ETNK2: variants seen among roughly 807,000 people sequenced by gnomAD.
ETNK2 encodes ethanolamine kinase 2.
In ETNK2, 33 loss-of-function variants were observed where a neutral mutation model predicts 46.2. The observed-to-expected ratio is 0.71, with a 90% CI of 0.54 to 0.96. The LOEUF (loss-of-function observed/expected upper bound fraction) is 0.96, where lower values mean the gene tolerates loss of function less well. Among genes scored for constraint, ETNK2 ranks in the 40% least tolerant of loss-of-function variants. The probability of loss-of-function intolerance (pLI) is 0.00; values close to 1 mark genes in which losing one functional copy is unlikely to be tolerated. For synonymous variants in ETNK2, 194 were observed against 209.0 expected (o/e 0.93, Z 0.62); for missense variants, 445 against 509.7 (o/e 0.87, Z 1.22).
intron 2 of ETNK2, among the ~76,000 whole-genome samples, chr1:204,148,665 G>A (rs774103006): frequency 6.6e-6 from 1 of 152,106 alleles, no homozygotes; most frequent in African/African-American, 2.4e-5. Flanking sequence ...ATGAGCATGG[G>A]GGTGGAAGAG....
chr1:204,135,942 G>A (rs1324521073), intron 6 of ETNK2, among the ~76,000 whole-genome samples: 1 of 152,192 alleles, frequency 6.6e-6, no homozygotes, highest in African/African-American at 2.4e-5. Context: ...TGGATAAGGG[G>A]CACTGAAAAT....
intron 5 of ETNK2, among the ~76,000 whole-genome samples, chr1:204,139,552 A>G (rs1657417534): frequency 6.6e-6 from 1 of 152,138 alleles, no homozygotes; most frequent in South Asian, 2.1e-4. Context: ...ATTTTGGAGG[A>G]CAAGAGCTAT....
At chr1:204,138,710 G>A (rs1019031251) in intron 5 of ETNK2, 5 of 152,210 alleles carry the variant, frequency 3.3e-5, no homozygotes, top group African/African-American at 1.2e-4. Flanking sequence ...TGAGCCACAG[G>A]GCCTGGCCCC....
chr1:204,149,991 TGG>T, intron 1 of ETNK2, 29 bp from the exon 2 acceptor site: 1 of 37,100 alleles, frequency 2.7e-5, no homozygotes, highest in Non-Finnish European at 5.3e-5. Context: ...AGTGCGTGGG[TGG>T]GTGGGTGGGG....
At position 204,151,556 on chromosome 1, in the gene ETNK2, G is replaced by A. The variant is rs2102306472; in HGVS notation, c.258+39C>T. On this transcript the variant is annotated intron_variant, in intron 1 of 7. Coordinates refer to ENST00000367202, the MANE Select transcript of ETNK2 (RefSeq NM_018208.4). The surrounding 1 kb of genome is among the most constrained non-coding windows in gnomAD (Gnocchi z 8.0). ...GTCCCCGCATCCCCCTGGCAGCCCTGGCAGGACCCCATCCTCGGCCCCGCG... is the reference window on the plus strand; with the variant it reads ...GTCCCCGCATCCCCCTGGCAGCCCTAGCAGGACCCCATCCTCGGCCCCGCG... The A allele has an allele frequency of 2.6e-6, 4 of 1,547,956 alleles. No homozygotes were observed. The highest frequency in any genetic ancestry group is 3.5e-6 in the Non-Finnish European group (4 of 1,145,926).
rs1202878845 is a variant in ETNK2 at position 204,137,267 on chromosome 1, C to T, written c.869-18G>A. 1 of 1,611,862 alleles carries T rather than the reference C, an allele frequency of 6.2e-7. No individual in the cohort carries two copies. The highest frequency in any genetic ancestry group is 8.5e-7 in the Non-Finnish European group (1 of 1,178,684). Reference sequence around the variant, plus strand: ...ATTCACGCCTGAGGGGGAGGCAGGCCAGACAAAGTTGCTCAGAGATGGGCC... The same window carrying T: ...ATTCACGCCTGAGGGGGAGGCAGGCTAGACAAAGTTGCTCAGAGATGGGCC... On this transcript the variant is annotated intron_variant, in intron 5 of 7. Coordinates refer to ENST00000367202, the MANE Select transcript of ETNK2 (RefSeq NM_018208.4).
intron 3 of ETNK2, 185 bp from the exon 4 acceptor site, chr1:204,141,642 T>C (rs1202994025): frequency 1.6e-6 from 1 of 615,832 alleles, no homozygotes; most frequent in Non-Finnish European, 2.8e-6. Flanking sequence ...GTCCTGTCCT[T>C]CTGACTCCTC....
intron 5 of ETNK2, chr1:204,138,927 C>T (rs1167439820): frequency 6.6e-6 from 1 of 152,304 alleles, no homozygotes; most frequent in Admixed American, 6.5e-5. Context: ...ACCCCCCTAT[C>T]CTGCCTCTTC....
intron 3 of ETNK2, among the ~76,000 whole-genome samples, chr1:204,146,420 C>T (rs1106778): frequency 0.4 from 61,323 of 151,958 alleles, 12,851 homozygotes; most frequent in African/African-American, 0.51. Flanking sequence ...GAAATGAGCA[C>T]ATGGGTATAA....
rs973681226 is a variant in ETNK2, at chr1:204,131,147, A to C, written c.*1037T>G. The stretch of plus-strand genomic sequence containing the variant: ...TCTGGGCCAGAGCCAGGAAGGCCCC[A>C]GGAGCTGTGAGGGTAGAAAGGGAGG... On this transcript the variant is annotated 3_prime_UTR_variant, in exon 8 of 8. Transcript: ENST00000367202. The surrounding 1 kb of genome is among the most constrained non-coding windows in gnomAD (Gnocchi z 4.3). The C allele has an allele frequency of 2.6e-5, 4 of 152,762 alleles. No homozygotes were observed. The highest frequency in any genetic ancestry group is 5.9e-5 in the Non-Finnish European group (4 of 68,112). 9.5% of individuals were successfully genotyped at this position (152,762 alleles called of 1,614,324 possible). A position where few individuals can be genotyped will look rare whatever the true frequency, so the allele number is the denominator to read the frequency against.
At chr1:204,132,947 C>A (rs1332967153) in intron 7 of ETNK2, among the ~76,000 whole-genome samples, 2 of 152,062 alleles carry the variant, frequency 1.3e-5, no homozygotes, top group East Asian at 3.9e-4. Context: ...CTCTCCCCAC[C>A]CCCTGGCAAC....
chr1:204,132,750 C>G (rs1236299859), intron 7 of ETNK2, among the ~76,000 whole-genome samples: 1 of 151,748 alleles, frequency 6.6e-6, no homozygotes, highest in Non-Finnish European at 1.5e-5. Context: ...TTTTTAACTT[C>G]AACTACATTT....
chr1:204,141,495 G>C, intron 3 of ETNK2, 38 bp from the exon 4 acceptor site: 1 of 1,550,492 alleles, frequency 6.4e-7, no homozygotes, highest in Non-Finnish European at 8.7e-7. Flanking sequence ...TGAAAGGAGG[G>C]CTGATAGACA....
chr1:204,144,915 A>AT, intron 3 of ETNK2, among the ~76,000 whole-genome samples: 1 of 152,006 alleles, frequency 6.6e-6, no homozygotes, highest in Non-Finnish European at 1.5e-5. Context: ...ACCCTGCCTT[A>AT]TTTTGCAGCT....
chr1:204,151,647 C>T lies in ETNK2; in HGVS notation c.206G>A (p.Arg69His), dbSNP rs2102306575. ...ATGCGGCCGCAGCTCCTGGATGAGGCGCAGGGCCCCGGGAAGGATGTCGTC... is the reference window on the plus strand; with the variant it reads ...ATGCGGCCGCAGCTCCTGGATGAGGTGCAGGGCCCCGGGAAGGATGTCGTC... ...DPDDILPGAL[R>H]LIQELRPHWK... Residue 69 changes from arginine (R) to histidine (H), a missense_variant, in exon 1 of 8, where the codon CGC becomes CAC. Coordinates refer to ENST00000367202, the MANE Select transcript of ETNK2 (RefSeq NM_018208.4). The surrounding 1 kb of genome is among the most constrained non-coding windows in gnomAD (Gnocchi z 8.0). 6.5e-7 allele frequency: 1 copy of T among 1,549,266 alleles called. No individual in the cohort carries two copies. Among genetic ancestry groups the T allele is most frequent in the Admixed American group, 2.0e-5 (1 of 50,976 alleles).
At chr1:204,147,472 G>T (rs764884647) in intron 2 of ETNK2, 1 of 533,392 alleles carries the variant, frequency 1.9e-6, no homozygotes, top group Non-Finnish European at 3.8e-6. Flanking sequence ...GTCAGAGAAG[G>T]AGGGCCTTGA....
intron 4 of ETNK2, among the ~76,000 whole-genome samples, chr1:204,140,535 T>G (rs1657468217): frequency 6.6e-6 from 1 of 151,800 alleles, no homozygotes; most frequent in Non-Finnish European, 1.5e-5. Flanking sequence ...TTTGTCTTTT[T>G]TTTTTTTGAG....
chr1:204,138,206 T>C (rs1352037857), intron 5 of ETNK2, among the ~76,000 whole-genome samples: 1 of 152,148 alleles, frequency 6.6e-6, no homozygotes, highest in African/African-American at 2.4e-5. Flanking sequence ...GAGTCAGGGC[T>C]GGAACTCTCA....
At chr1:204,134,472 G>T (rs776172534) in intron 7 of ETNK2, 43 bp downstream of exon 7, 3 of 1,602,924 alleles carry the variant, frequency 1.9e-6, no homozygotes, top group Non-Finnish European at 2.6e-6. Context: ...CTCAACCAAG[G>T]CTCTCCCTTT....
Sources: gnomAD v4.1 joint callset for allele counts (sites outside exome capture counted in the v4.1 genomes callset) on GRCh38, gnomAD v4.1.1 for gene constraint, Gnocchi (gnomAD v3.1) non-coding constraint, MANE v1.5 for transcripts, NCBI Gene and HGNC (gene_info 2026-07-23, HGNC 2026-07-21) for gene names.